The following PRRG1 variants were observed in gnomAD, a reference collection of about 807,000 sequenced individuals.
PRRG1 encodes the protein transmembrane gamma-carboxyglutamic acid protein 1.
A neutral mutation model predicts 11.8 loss-of-function variants in PRRG1; 5 were observed. That is an observed-to-expected ratio of 0.42 (90% CI 0.22 to 0.89). The LOEUF (loss-of-function observed/expected upper bound fraction) is 0.89, where lower values mean the gene tolerates loss of function less well. Among genes scored for constraint, PRRG1 ranks in the 40% least tolerant of loss-of-function variants. The pLI, the probability that PRRG1 is intolerant of heterozygous loss-of-function variation, is 0.28. For missense variants in PRRG1, 155 were observed against 166.1 expected (o/e 0.93, Z 0.37); for synonymous variants, 66 against 60.4 (o/e 1.09, Z -0.43).
chrX:37,359,132 T>A (rs1930336218), intron 1 of PRRG1, among the ~76,000 whole-genome samples: 1 of 111,718 alleles, frequency 9.0e-6, no homozygotes, highest in Non-Finnish European at 1.9e-5. Flanking sequence ...TTTCCTTTCC[T>A]TGTCTTATCA....
intron 1 of PRRG1, among the ~76,000 whole-genome samples, chrX:37,379,537 G>A (rs1364124951): frequency 9.0e-6 from 1 of 110,978 alleles, no homozygotes; most frequent in Non-Finnish European, 1.9e-5. Context: ...ATTTATATAA[G>A]GAACTATGAA....
intron 2 of PRRG1, among the ~76,000 whole-genome samples, chrX:37,421,453 ACT>A (rs1267657608): frequency 2.7e-5 from 3 of 111,728 alleles, no homozygotes; most frequent in Non-Finnish European, 5.6e-5. Flanking sequence ...CTGTAATTTA[ACT>A]CACACAATTT....
rs188562983 is a variant in PRRG1 at position 37,432,328 on chromosome X, C to T, written c.171+6328C>T. Among the ~76,000 whole-genome samples the T allele has an allele frequency of 6.2e-3, 685 of 111,347 alleles. 1 individual carries two copies. Among genetic ancestry groups the T allele is most frequent in the African/African-American group, 0.021 (654 of 30,532 alleles). On this transcript the variant is annotated intron_variant, in intron 3 of 3. Coordinates refer to ENST00000378628, the MANE Select transcript of PRRG1 (RefSeq NM_001142395.2). Reference sequence around the variant, plus strand: ...GTCTCGATCTCCTGACCTCATGATCCGCCCGCCTTGGCCTCCCAAAGTGCT... The same window carrying T: ...GTCTCGATCTCCTGACCTCATGATCTGCCCGCCTTGGCCTCCCAAAGTGCT...
chrX:37,402,313 G>A (rs1294173910), intron 1 of PRRG1, among the ~76,000 whole-genome samples: 1 of 111,290 alleles, frequency 9.0e-6, no homozygotes, highest in East Asian at 2.8e-4. Context: ...ACAGAACAGA[G>A]CCCTCAGAAA....
intron 2 of PRRG1, among the ~76,000 whole-genome samples, chrX:37,422,423 C>T: frequency 9.0e-6 from 1 of 111,602 alleles, no homozygotes; most frequent in Admixed American, 9.5e-5. Flanking sequence ...ATGATGCAGA[C>T]TCAAATCCAT....
rs782039172 is a variant in PRRG1 at position 37,454,532 on chromosome X, C to G, written c.*911C>G. 3 of 112,076 alleles carry G rather than the reference C, an allele frequency of 2.7e-5. No homozygotes were observed. In the East Asian group the frequency reaches 8.3e-4, roughly 31 times the overall value. 9.2% of individuals were successfully genotyped at this position (112,076 alleles called of 1,213,427 possible). A position where few individuals can be genotyped will look rare whatever the true frequency, so the allele number is the denominator to read the frequency against. ...TTTTACTGTACGTTCTACACTCTGT[C>G]CTACTCCCACAGAATTTTCAAGCCC... is the stretch of plus-strand genomic sequence containing the variant. On this transcript the variant is annotated 3_prime_UTR_variant, in exon 4 of 4. Transcript: ENST00000378628.
intron 1 of PRRG1, among the ~76,000 whole-genome samples, chrX:37,362,672 G>C (rs1164649716): frequency 1.3e-4 from 15 of 111,451 alleles, no homozygotes; most frequent in Non-Finnish European, 2.3e-4. Context: ...TTTAACCAGG[G>C]GTCAGACCAT....
At chrX:37,439,876 T>C (rs1440284679) in intron 3 of PRRG1, among the ~76,000 whole-genome samples, 2 of 101,908 alleles carry the variant, frequency 2.0e-5, no homozygotes, top group East Asian at 3.1e-4. Flanking sequence ...GTCAGCTCAC[T>C]GCAGCCTTCG....
chrX:37,363,423 A>G (rs191335929), intron 1 of PRRG1, among the ~76,000 whole-genome samples: 76 of 112,587 alleles, frequency 6.8e-4, no homozygotes, highest in African/African-American at 2.3e-3. Context: ...CTTGATGAAT[A>G]TTAACTAAAG....
chrX:37,450,976 G>C (rs1274341951), intron 3 of PRRG1, among the ~76,000 whole-genome samples: 1 of 98,914 alleles, frequency 1.0e-5, no homozygotes, highest in African/African-American at 4.3e-5. Flanking sequence ...CAAGTGATTC[G>C]TTTTCATTTT....
At chrX:37,438,771 T>G (rs1932924228) in intron 3 of PRRG1, among the ~76,000 whole-genome samples, 1 of 111,518 alleles carries the variant, frequency 9.0e-6, no homozygotes, top group Non-Finnish European at 1.9e-5. Flanking sequence ...AATGGTGTAC[T>G]CTTCAATTCG....
chrX:37,394,750 T>C (rs1931659221), intron 1 of PRRG1, among the ~76,000 whole-genome samples: 1 of 110,181 alleles, frequency 9.1e-6, no homozygotes, highest in African/African-American at 3.3e-5. Context: ...TTAAGGAACA[T>C]CAAAAATGGC....
At chrX:37,432,016 A>T (rs924808935) in intron 3 of PRRG1, among the ~76,000 whole-genome samples, 6 of 109,195 alleles carry the variant, frequency 5.5e-5, no homozygotes, top group African/African-American at 2.0e-4. Context: ...AGCTCAGGCA[A>T]TCCACCCACC....
intron 1 of PRRG1, among the ~76,000 whole-genome samples, chrX:37,363,894 A>G (rs1930488724): frequency 8.9e-6 from 1 of 111,998 alleles, no homozygotes; most frequent in Non-Finnish European, 1.9e-5. Flanking sequence ...TACCCAGTCA[A>G]AATTTTTCCC....
chrX:37,388,858 C>A (rs1392720556), intron 1 of PRRG1, among the ~76,000 whole-genome samples: 4 of 112,812 alleles, frequency 3.5e-5, no homozygotes, highest in Non-Finnish European at 7.5e-5. Flanking sequence ...CGTGGCCAGG[C>A]TGCAAATTTT....
chrX:37,353,525 T>C (rs1556365301), intron 1 of PRRG1, among the ~76,000 whole-genome samples: 1 of 112,151 alleles, frequency 8.9e-6, no homozygotes, highest in African/African-American at 3.2e-5. Context: ...GTAAATGTCA[T>C]AGGGCTTCAT....
chrX:37,421,585 C>T (rs1404530971), intron 2 of PRRG1, among the ~76,000 whole-genome samples: 3 of 111,916 alleles, frequency 2.7e-5, no homozygotes, highest in African/African-American at 9.7e-5. Context: ...CTGGAAATTG[C>T]CCCATGTTTT....
Position 37,453,801 on chromosome X carries a change from A to C in PRRG1, c.*180A>C. 2.0e-6 allele frequency: 1 copy of C among 505,834 alleles called. No homozygotes were observed. The highest frequency in any genetic ancestry group is 5.2e-5 in the South Asian group (1 of 19,073). 41.7% of individuals were successfully genotyped at this position (505,834 alleles called of 1,213,427 possible). A position where few individuals can be genotyped will look rare whatever the true frequency, so the allele number is the denominator to read the frequency against. Reference sequence around the variant, plus strand: ...TGTTATAGAATCATTATCCATGCTCATTTTTGCTAGGGGAAATATATGAAG... The same window carrying C: ...TGTTATAGAATCATTATCCATGCTCCTTTTTGCTAGGGGAAATATATGAAG... On this transcript the variant is annotated 3_prime_UTR_variant, in exon 4 of 4. Transcript: ENST00000378628.
At chrX:37,391,355 C>A (rs782812617) in intron 1 of PRRG1, among the ~76,000 whole-genome samples, 60 of 110,746 alleles carry the variant, frequency 5.4e-4, no homozygotes, top group African/African-American at 1.8e-3. Flanking sequence ...ACTTGCAGGG[C>A]AGATGGTAAA....
Sources: allele counts gnomAD v4.1 joint callset (sites outside exome capture counted in the v4.1 genomes callset), GRCh38; gene constraint gnomAD v4.1.1; transcripts MANE v1.5; gene names NCBI Gene and HGNC (gene_info 2026-07-23, HGNC 2026-07-21).